The following ANKRD30B variants were observed in gnomAD, a reference collection of about 807,000 sequenced individuals.
ANKRD30B encodes the protein ankyrin repeat domain-containing protein 30B.
A neutral mutation model predicts 202.2 loss-of-function variants in ANKRD30B; 144 were observed. The observed-to-expected ratio is 0.71, with a 90% confidence interval of 0.62 to 0.82. ANKRD30B has a LOEUF of 0.82. Ranked by LOEUF, ANKRD30B falls within the 40% of genes least tolerant of loss-of-function variation. ANKRD30B has a pLI of 0.00. For synonymous variants in ANKRD30B, 508 were observed against 561.3 expected (o/e 0.91, Z 1.34); for missense variants, 1,487 against 1,669.1 (o/e 0.89, Z 1.90).
rs1220730776 is a variant in ANKRD30B, at chr18:14,760,632, T to G, written c.820+14T>G. The G allele has an allele frequency of 1.3e-6, 2 of 1,514,700 alleles. No individual in the cohort carries two copies. The highest frequency in any genetic ancestry group is 2.1e-5 in the Admixed American group (1 of 47,100). The allele number at this position is 1,514,700 out of a possible 1,614,324, so 93.8% of individuals were successfully genotyped here. A position where few individuals can be genotyped will look rare whatever the true frequency, so the allele number is the denominator to read the frequency against. ...ATACCAATCCAGGTAAGACTTCGGATAGCAAACTACTCTTGATGGTGCTAC... is the reference window on the plus strand; with the variant it reads ...ATACCAATCCAGGTAAGACTTCGGAGAGCAAACTACTCTTGATGGTGCTAC... On this transcript the variant is annotated intron_variant, in intron 6 of 43. Transcript: ENST00000690538.
chr18:14,905,910 A>G, the ANKRD30B span: 1 of 152,230 alleles, frequency 6.6e-6, no homozygotes, highest in South Asian at 2.1e-4. Flanking sequence ...CTCCAAAAAA[A>G]GAAGGGGTAT....
In ANKRD30B at chr18:14,757,820, C is replaced by A; in HGVS notation, c.623C>A (p.Ala208Asp). The change falls in exon 5 of 44, where the codon GCC (alanine) becomes GAC (aspartate). Residue 208 changes from alanine (A) to aspartate (D), a missense_variant. Around this residue, in one of 6 missense-constraint regions of ANKRD30B, gnomAD observed 889 missense variants for 841.4 expected, o/e 1.06. Transcript: ENST00000690538. ...ANAFNESKCTALMLAICEGSS... is the reference protein window; with the variant it reads ...ANAFNESKCTDLMLAICEGSS... ...TTATCTCTTTGTTATTTTAGCACAG[C>A]CCTCATGCTTGCCATATGTGAAGGC... 6.2e-7 allele frequency: 1 copy of A among 1,613,116 alleles called. No homozygotes were observed.
intron 24 of ANKRD30B, among the ~76,000 whole-genome samples, chr18:14,804,859 C>T (rs1186878977): frequency 1.3e-5 from 2 of 150,662 alleles, no homozygotes; most frequent in African/African-American, 2.5e-5. Flanking sequence ...AGGCAGGAAG[C>T]AGGGGACAAG....
Position 14,763,998 on chromosome 18 carries a change from T to A in ANKRD30B, c.1133T>A (p.Val378Glu), listed in dbSNP as rs905539396. 7 of 1,577,780 alleles carry A rather than the reference T, an allele frequency of 4.4e-6. No homozygotes were observed. The African/African-American group carries it at 9.8e-5, about 22-fold the overall frequency. Residue 378 changes from valine (V) to glutamate (E), a missense_variant, in exon 7 of 44, where the codon GTA becomes GAA. Around this residue, in one of 6 missense-constraint regions of ANKRD30B, gnomAD observed 889 missense variants for 841.4 expected, o/e 1.06. Transcript: ENST00000690538. ...TSVKTECVAG[V>E]TPNKTEVLEK... ...GTAAAGACTGAATGCGTGGCAGGAG[T>A]AACACCTAATAAAACTGAAGTTTTG...
the ANKRD30B span, among the ~76,000 whole-genome samples, chr18:14,920,862 G>A: frequency 6.6e-6 from 1 of 152,216 alleles, no homozygotes; most frequent in African/African-American, 2.4e-5. Flanking sequence ...GTTACCAAGT[G>A]CAAGTGCATG....
Position 14,845,857 on chromosome 18 carries a change from G to A in ANKRD30B, c.3181+2761G>A, listed in dbSNP as rs567565676. Reference sequence around the variant, plus strand: ...CCTGTGCCCTCACATGGCAGAAAGGGTAAAGAGGCTCTCTGGGGTTATTTC... The same window carrying A: ...CCTGTGCCCTCACATGGCAGAAAGGATAAAGAGGCTCTCTGGGGTTATTTC... On this transcript the variant is annotated intron_variant, in intron 39 of 43. Coordinates refer to ENST00000690538, the MANE Select transcript of ANKRD30B (RefSeq NM_001367607.2). 6.6e-5 allele frequency among the ~76,000 whole-genome samples: 10 copies of A among 152,216 alleles called. No individual in the cohort carries two copies. The East Asian group carries it at 1.5e-3, about 24-fold the overall frequency.
chr18:14,892,672 G>A, the ANKRD30B span, among the ~76,000 whole-genome samples: 2 of 149,082 alleles, frequency 1.3e-5, no homozygotes, highest in Admixed American at 6.7e-5. Context: ...CCCAGAAGGT[G>A]GAGGCTGCAG....
At chr18:14,797,062 A>G (rs1339151793) in intron 18 of ANKRD30B, among the ~76,000 whole-genome samples, 2 of 152,196 alleles carry the variant, frequency 1.3e-5, no homozygotes, top group Non-Finnish European at 1.5e-5. Context: ...CTGGTTACAA[A>G]CAATCCATAG....
the ANKRD30B span, among the ~76,000 whole-genome samples, chr18:14,932,390 G>A: frequency 6.6e-6 from 1 of 152,066 alleles, no homozygotes; most frequent in Non-Finnish European, 1.5e-5. Context: ...AGGCTGGAGT[G>A]GCGTGGCGCG....
At chr18:14,850,724 G>A (rs1971845973) in intron 41 of ANKRD30B, among the ~76,000 whole-genome samples, 1 of 151,832 alleles carries the variant, frequency 6.6e-6, no homozygotes, top group Admixed American at 6.6e-5. Flanking sequence ...GGAAGCAAAA[G>A]TTAGTGTCGT....
At chr18:14,890,984 C>CT in the ANKRD30B span, among the ~76,000 whole-genome samples, 41 of 152,176 alleles carry the variant, frequency 2.7e-4, no homozygotes, top group Non-Finnish European at 5.3e-4. Flanking sequence ...ATTTTAATGA[C>CT]ACACTAAATA....
intron 24 of ANKRD30B, among the ~76,000 whole-genome samples, chr18:14,804,671 G>T (rs1193967959): frequency 2.7e-5 from 4 of 150,658 alleles, no homozygotes; most frequent in Admixed American, 2.6e-4. Context: ...AAGCATTATG[G>T]TGCTCCTATT....
intron 28 of ANKRD30B, among the ~76,000 whole-genome samples, 176 bp downstream of exon 28, chr18:14,810,356 AT>A (rs1363855383): frequency 1.3e-5 from 2 of 151,374 alleles, no homozygotes; most frequent in Non-Finnish European, 2.9e-5. Context: ...AAGCATAAGA[AT>A]TAGGGATTTA....
the ANKRD30B span, among the ~76,000 whole-genome samples, chr18:14,920,545 G>T: frequency 6.6e-6 from 1 of 152,184 alleles, no homozygotes; most frequent in African/African-American, 2.4e-5. Context: ...GCTTCCTGGG[G>T]CTATAGCACA....
intron 3 of ANKRD30B, 71 bp from the exon 4 acceptor site, chr18:14,754,823 GATATA>G: frequency 2.0e-6 from 2 of 996,094 alleles, no homozygotes; most frequent in South Asian, 2.7e-5. Flanking sequence ...AAGTTAATAG[GATATA>G]ATATAAGGTA....
At position 14,791,442 on chromosome 18, in the gene ANKRD30B, C is replaced by G; in HGVS notation, c.1776C>G (p.Pro592=). 6.2e-7 allele frequency: 1 copy of G among 1,610,908 alleles called. No individual in the cohort carries two copies. The highest frequency in any genetic ancestry group is 8.5e-7 in the Non-Finnish European group (1 of 1,178,772). The change falls in exon 16 of 44, where the codon CCC becomes CCG. Residue 592 remains proline (P), a synonymous_variant. Transcript: ENST00000690538. ...ETVSQKDVYL[P]KATHQKEFDT... ...TTTCACAGAAGGATGTGTATTTACC[C>G]AAAGCTACACATCAAAAAGAATTCG...
the ANKRD30B span, among the ~76,000 whole-genome samples, chr18:14,885,784 A>C: frequency 2.6e-5 from 4 of 151,856 alleles, no homozygotes; most frequent in African/African-American, 9.7e-5. Flanking sequence ...TATGGTTTTT[A>C]TATTTTTATA....
chr18:14,776,359 A>G (rs1307021108), intron 9 of ANKRD30B, among the ~76,000 whole-genome samples: 2 of 152,234 alleles, frequency 1.3e-5, no homozygotes, highest in Non-Finnish European at 2.9e-5. Context: ...GAGAATGTTC[A>G]GTTAGAGAAA....
intron 17 of ANKRD30B, 43 bp downstream of exon 17, chr18:14,796,292 T>A: frequency 3.7e-6 from 6 of 1,610,346 alleles, no homozygotes; most frequent in Non-Finnish European, 5.1e-6. Flanking sequence ...AACTACATAT[T>A]TTAGGAAGCA....
Sources: gnomAD v4.1 joint callset for allele counts (sites outside exome capture counted in the v4.1 genomes callset) on GRCh38, gnomAD v4.1.1 for gene constraint, gnomAD v4.1.1 regional missense constraint, MANE v1.5 for transcripts, NCBI Gene and HGNC (gene_info 2026-07-23, HGNC 2026-07-21) for gene names.